The following UBTF variants were observed in gnomAD, a reference collection of about 807,000 sequenced individuals.
The protein encoded by UBTF is upstream binding transcription factor.
Under a neutral mutation model 112.3 loss-of-function variants are expected in UBTF, and 8 were observed. The observed-to-expected ratio is 0.07, with a 90% CI of 0.04 to 0.13. The LOEUF (loss-of-function observed/expected upper bound fraction) is 0.13, where lower values mean the gene tolerates loss of function less well. Among genes scored for constraint, UBTF ranks in the 10% least tolerant of loss-of-function variants. The pLI, the probability that UBTF is intolerant of heterozygous loss-of-function variation, is 1.00. For synonymous variants in UBTF, 417 were observed against 373.1 expected, an observed-to-expected ratio of 1.12 and a Z score of -1.36; for missense variants, 457 against 982.1, an observed-to-expected ratio of 0.47 and a Z score of 7.15.
rs1320834287 is a variant in UBTF at position 44,211,010 on chromosome 17, C to T, written c.1203+29G>A. Reference sequence around the variant, plus strand: ...CCAGGGAGCCCAGTCTTGCCCACCCCCGCCTGCGCGGCCGCACCCTCTGCC... The same window carrying T: ...CCAGGGAGCCCAGTCTTGCCCACCCTCGCCTGCGCGGCCGCACCCTCTGCC... On this transcript the variant is annotated intron_variant, in intron 12 of 20. Transcript: ENST00000436088. The surrounding 1 kb of genome is among the most constrained non-coding windows in gnomAD (Gnocchi z 4.9). 6 of 1,603,610 alleles carry T rather than the reference C, an allele frequency of 3.7e-6. No individual in the cohort carries two copies. The highest frequency in any genetic ancestry group is 1.1e-5 in the South Asian group (1 of 90,184).
rs746082951 is a variant in UBTF, at chr17:44,211,458, C to T, written c.1048-127G>A. The T allele has an allele frequency of 6.5e-5, 102 of 1,559,544 alleles. No individual in the cohort carries two copies. The highest frequency in any genetic ancestry group is 7.8e-5 in the Non-Finnish European group (89 of 1,140,226). On this transcript the variant is annotated intron_variant, in intron 10 of 20. Coordinates refer to ENST00000436088, the MANE Select transcript of UBTF (RefSeq NM_014233.4). The surrounding 1 kb of genome is among the most constrained non-coding windows in gnomAD (Gnocchi z 4.9). The stretch of plus-strand genomic sequence containing the variant: ...GTGTGGGCTGGACTCCCTGCCTGGA[C>T]GGGCTCAGTTGCTAAGCCCAGCCCA...
chr17:44,216,850 C>T, intron 2 of UBTF, 146 bp from the exon 3 acceptor site: 1 of 754,922 alleles, frequency 1.3e-6, no homozygotes, highest in Non-Finnish European at 2.2e-6. Context: ...AGATATGGCT[C>T]AGCCCTAAGG....
In UBTF at chr17:44,205,365, CCATT is replaced by C. The variant is rs1400671941; in HGVS notation, c.*1873_*1876del. The C allele has an allele frequency of 2.0e-5, 3 of 152,712 alleles. No homozygotes were observed. The highest frequency in any genetic ancestry group is 2.9e-5 in the Non-Finnish European group (2 of 68,014). 9.5% of individuals were successfully genotyped at this position (152,712 alleles called of 1,614,324 possible). On this transcript the variant is annotated 3_prime_UTR_variant, in exon 21 of 21. Transcript: ENST00000436088. ...TTTAAAACAGGAAAGAAAAAGTGCC[CCATT>C]CAAAGTTGTTTTTAAATGAAAATAC...
In UBTF at chr17:44,209,043, TCTGTAGCC is replaced by T. The variant is rs530568050; in HGVS notation, c.1905+301_1905+308del. The T allele has an allele frequency of 1.7e-3, 548 of 331,586 alleles. 2 individuals carry two copies. The highest frequency in any genetic ancestry group is 0.011 in the African/African-American group (514 of 44,978). 20.5% of individuals were successfully genotyped at this position (331,586 alleles called of 1,614,324 possible). A position where few individuals can be genotyped will look rare whatever the true frequency, so the allele number is the denominator to read the frequency against. On this transcript the variant is annotated intron_variant, in intron 17 of 20. Transcript: ENST00000436088. ...AATTAGCCAGGTGTGGTGGTACATG[TCTGTAGCC>T]CCAGCTACTCTGGAGGCTGTGGAAG...
chr17:44,211,342 G>A lies in UBTF; in HGVS notation c.1048-11C>T, dbSNP rs199592029. On this transcript the variant is annotated splice_polypyrimidine_tract_variant and intron_variant, in intron 10 of 20. Transcript: ENST00000436088. The surrounding 1 kb of genome is among the most constrained non-coding windows in gnomAD (Gnocchi z 4.9). Reference sequence around the variant, plus strand: ...GTAATCTTTCTTTTTCTGGGAAAGTGAGTGGAGTCAGGATCAGTCTGGAGA... The same window carrying A: ...GTAATCTTTCTTTTTCTGGGAAAGTAAGTGGAGTCAGGATCAGTCTGGAGA... 21 of 1,613,926 alleles carry A rather than the reference G, an allele frequency of 1.3e-5. No homozygotes were observed. Among genetic ancestry groups the A allele is most frequent in the Non-Finnish European group, 1.8e-5 (21 of 1,179,998 alleles).
In UBTF at chr17:44,207,854, C is replaced by T. The variant is rs200023566; in HGVS notation, c.1953+10G>A. On this transcript the variant is annotated intron_variant, in intron 18 of 20. Transcript: ENST00000436088. ...CCCCTACCCCACTGCTGCTCTGCTC[C>T]CAGACTCACATTGGAGATGTACTCT... 6.1e-5 allele frequency: 99 copies of T among 1,614,126 alleles called. No homozygotes were observed. In the African/African-American group the frequency reaches 1.1e-3, roughly 18 times the overall value.
At chr17:44,210,556 C>T (rs546833146) in intron 13 of UBTF, 83 bp from the exon 14 acceptor site, 2 of 1,457,268 alleles carry the variant, frequency 1.4e-6, no homozygotes, top group Middle Eastern at 2.5e-4. Context: ...GCGCTCCCGC[C>T]GGCGGGCAGA....
chr17:44,216,310 G>A (rs1028684447), intron 3 of UBTF: 1 of 625,704 alleles, frequency 1.6e-6, no homozygotes, highest in African/African-American at 1.9e-5. Flanking sequence ...AGCTCAGGCT[G>A]TTTGGCTCAA....
rs1054670510 is a variant in UBTF, at chr17:44,207,480, C to G, written c.2143G>C (p.Glu715Gln). Residue 715 changes from glutamate to glutamine, a missense_variant, in exon 20 of 21, where the codon GAG (glutamate) becomes CAG (glutamine). By Grantham distance (29) the Glu-to-Gln change is conservative. Transcript: ENST00000436088. ...TCATCCCCATCCTCGCTCTCGTCCT[C>G]GCTGCTGGACTCAGAGGAGTCGCCG... Reference protein sequence around the residue: ...DGGDSSESSSEDESEDGDENE... With the variant: ...DGGDSSESSSQDESEDGDENE... The G allele has an allele frequency of 9.9e-6, 16 of 1,614,094 alleles. No homozygotes were observed. The highest frequency in any genetic ancestry group is 1.4e-5 in the Non-Finnish European group (16 of 1,180,012).
In UBTF at chr17:44,211,882, T is replaced by C; in HGVS notation, c.896A>G (p.Lys299Arg). The C allele has an allele frequency of 1.2e-6, 2 of 1,613,432 alleles. No individual in the cohort carries two copies. The highest frequency in any genetic ancestry group is 1.7e-6 in the Non-Finnish European group (2 of 1,179,922). ...LKDKFDGRPTKPPPNSYSLYC... is the reference protein window; with the variant it reads ...LKDKFDGRPTRPPPNSYSLYC... ...CCAGGGCAGCGCTCACGGAGGTGGC[T>C]TGGTGGGTCGCCCGTCAAACTTGTC... Residue 299 changes from lysine (K) to arginine (R), a missense_variant, in exon 9 of 21, where the codon AAG becomes AGG. By Grantham distance (26) the Lys-to-Arg change is conservative. Coordinates refer to ENST00000436088, the MANE Select transcript of UBTF (RefSeq NM_014233.4). This position sits in a 1 kb window ranked among gnomAD's most constrained non-coding sequence, Gnocchi z 4.9.
rs1387656431 is a variant in UBTF, at chr17:44,211,926, C to T, written c.852G>A (p.Lys284=). The T allele has an allele frequency of 3.1e-6, 5 of 1,614,002 alleles. No individual in the cohort carries two copies. Among genetic ancestry groups the T allele is most frequent in the Non-Finnish European group, 4.2e-6 (5 of 1,180,004 alleles). The change falls in exon 9 of 21, where the codon AAG becomes AAA. Residue 284 remains lysine (K), a synonymous_variant. Transcript: ENST00000436088. This position sits in a 1 kb window ranked among gnomAD's most constrained non-coding sequence, Gnocchi z 4.9. ...ACTTGTCCTTGAGCTGGCGTTCGGC[C>T]TTGGTGAGGGTGGACTTGGTGATAC... ...EEGITKSTLT[K]AERQLKDKFD...
chr17:44,209,032 G>A (rs1598220882), intron 17 of UBTF: 1 of 333,126 alleles, frequency 3.0e-6, no homozygotes, highest in East Asian at 9.5e-5. Context: ...AGCCAGGTGT[G>A]GTGGTACATG....
chr17:44,212,991 C>T (rs775464717), intron 6 of UBTF, 52 bp from the exon 7 acceptor site: 11 of 1,598,314 alleles, frequency 6.9e-6, no homozygotes, highest in Non-Finnish European at 9.4e-6. Flanking sequence ...CCAGGGCAGA[C>T]TCAAGCTAGC....
At chr17:44,218,661 G>GAGGGCGGGGGAAGAGGA (rs1465873179) in intron 1 of UBTF, 1 of 157,758 alleles carries the variant, frequency 6.3e-6, no homozygotes, top group Non-Finnish European at 1.4e-5. Context: ...CCCCAGGCTG[G>GAGGGCGGGGGAAGAGGA]AGGGCGGGGG....
chr17:44,213,158 G>A lies in UBTF; in HGVS notation c.539+60C>T, dbSNP rs1440604529. ...TGGCAAACTCAAGGCTCTGGCCAGGGTTAGCCTATTCTGCTGCCCCCAGTG... is the reference window on the plus strand; with the variant it reads ...TGGCAAACTCAAGGCTCTGGCCAGGATTAGCCTATTCTGCTGCCCCCAGTG... On this transcript the variant is annotated intron_variant, in intron 6 of 20. Transcript: ENST00000436088. The A allele has an allele frequency of 3.8e-6, 6 of 1,589,424 alleles. No homozygotes were observed. The East Asian group carries it at 1.1e-4, about 30-fold the overall frequency.
In UBTF at chr17:44,207,726, G is replaced by A. The variant is rs1333834228; in HGVS notation, c.1998C>T (p.Ser666=). 2 of 1,614,160 alleles carry A rather than the reference G, an allele frequency of 1.2e-6. No individual in the cohort carries two copies. The highest frequency in any genetic ancestry group is 2.2e-5 in the South Asian group (2 of 91,086). The change falls in exon 19 of 21, where the codon TCC becomes TCT. Residue 666 remains serine, a synonymous_variant. Coordinates refer to ENST00000436088, the MANE Select transcript of UBTF (RefSeq NM_014233.4). ...ACTTGGACTGCAGAGTAGTCCGGCT[G>A]GATTTGGGGTTTGGGCCTCGCAGCT... ...MTKLRGPNPK[S]SRTTLQSKSE...
chr17:44,207,124 A>T lies in UBTF; in HGVS notation c.*118T>A. 5 of 1,087,068 alleles carry T rather than the reference A, an allele frequency of 4.6e-6. No individual in the cohort carries two copies. Among genetic ancestry groups the T allele is most frequent in the East Asian group, 2.6e-5 (1 of 39,076 alleles). 67.3% of individuals were successfully genotyped at this position (1,087,068 alleles called of 1,614,324 possible). On this transcript the variant is annotated 3_prime_UTR_variant, in exon 21 of 21. Transcript: ENST00000436088. ...TATTTTTTTTTTTTTTTAAAGAAAGAAAGAAAGTGGGGGAGGCCAGGGGGG... is the reference window on the plus strand; with the variant it reads ...TATTTTTTTTTTTTTTTAAAGAAAGTAAGAAAGTGGGGGAGGCCAGGGGGG...
intron 3 of UBTF, 38 bp downstream of exon 3, chr17:44,216,491 G>A: frequency 1.9e-6 from 3 of 1,607,832 alleles, no homozygotes; most frequent in Middle Eastern, 1.7e-4. Context: ...CGCTGAGTGG[G>A]GGGTATGTGT....
upstream of UBTF, among the ~76,000 whole-genome samples, chr17:44,220,052 GGCTGCT>G (rs914059314): frequency 3.6e-5 from 5 of 137,122 alleles, no homozygotes; most frequent in Non-Finnish European, 6.4e-5. Flanking sequence ...CGGCGGCGGC[GGCTGCT>G]GCTGCTGCTG....
Sources: gnomAD v4.1 joint callset for allele counts (sites outside exome capture counted in the v4.1 genomes callset) on GRCh38, gnomAD v4.1.1 for gene constraint, Gnocchi (gnomAD v3.1) non-coding constraint, MANE v1.5 for transcripts, NCBI Gene and HGNC (gene_info 2026-07-23, HGNC 2026-07-21) for gene names.